The following FBL variants were observed in gnomAD, a reference collection of about 807,000 sequenced individuals.
The protein encoded by FBL is fibrillarin rRNA 2'-O-methyltransferase.
FBL carries 10 observed loss-of-function variants against 42.2 expected under a neutral mutation model. That is an observed-to-expected ratio of 0.24 (90% CI 0.15 to 0.40). FBL has a LOEUF of 0.40. Among genes scored for constraint, FBL ranks in the 10% least tolerant of loss-of-function variants. FBL has a pLI of 1.00. For synonymous variants in FBL, 165 were observed against 165.4 expected (o/e 1.00, Z 0.02); for missense variants, 351 against 439.2 (o/e 0.80, Z 1.79).
rs528839853 is a variant in FBL, at chr19:39,834,920, G to A, written c.796-107C>T. On this transcript the variant is annotated intron_variant, in intron 7 of 8. Coordinates refer to ENST00000221801, the MANE Select transcript of FBL (RefSeq NM_001436.4). ...ATTATTAATTCAAGTAAAACTCAGTGCTATGGTTCTAGTGTGTCCCCCAAA... is the reference window on the plus strand; with the variant it reads ...ATTATTAATTCAAGTAAAACTCAGTACTATGGTTCTAGTGTGTCCCCCAAA... 9.1e-6 allele frequency: 11 copies of A among 1,211,708 alleles called. No individual in the cohort carries two copies. In the South Asian group the frequency reaches 1.3e-4, roughly 14 times the overall value. 75.1% of individuals were successfully genotyped at this position (1,211,708 alleles called of 1,614,324 possible).
chr19:39,839,727 A>C (rs1167014853), intron 4 of FBL, among the ~76,000 whole-genome samples: 2 of 152,060 alleles, frequency 1.3e-5, no homozygotes, highest in Admixed American at 6.6e-5. Context: ...GGGGCCATTC[A>C]AGTTATCTGA....
chr19:39,843,331 A>G (rs7250408), intron 1 of FBL, among the ~76,000 whole-genome samples: 68,792 of 152,014 alleles, frequency 0.45, 16,328 homozygotes, highest in African/African-American at 0.57. Flanking sequence ...GAAAGCACAC[A>G]ATCCATCAGA....
rs1197034659 is a variant in FBL at position 39,839,105 on chromosome 19, C to G, written c.479G>C (p.Gly160Ala). The part of the protein sequence containing the change: ...GGVDQIHIKP[G>A]AKVLYLGAAS... The stretch of plus-strand genomic sequence containing the variant: ...AGCCCCGAGGTAGAGAACCTTAGCC[C>G]CCGGTTTGATGTGGATCTGGTCCAC... Residue 160 changes from glycine (G) to alanine (A), a missense_variant, in exon 5 of 9, where the codon GGG becomes GCG. Transcript: ENST00000221801. 1 of 1,614,162 alleles carries G rather than the reference C, an allele frequency of 6.2e-7. No individual in the cohort carries two copies. Among genetic ancestry groups the G allele is most frequent in the Admixed American group, 1.7e-5 (1 of 60,022 alleles).
At chr19:39,843,202 A>C (rs887153063) in intron 1 of FBL, among the ~76,000 whole-genome samples, 19 of 152,206 alleles carry the variant, frequency 1.2e-4, no homozygotes, top group African/African-American at 4.3e-4. Flanking sequence ...CCGCATCCCC[A>C]AAACCCTGCA....
At chr19:39,835,562 A>G (rs1310404942) in intron 7 of FBL, among the ~76,000 whole-genome samples, 1 of 152,170 alleles carries the variant, frequency 6.6e-6, no homozygotes, top group Non-Finnish European at 1.5e-5. Flanking sequence ...TACCCAGTCT[A>G]TAGCATTCTG....
chr19:39,834,611 C>T (rs201652800), intron 8 of FBL, 49 bp from the exon 9 acceptor site: 2 of 1,614,136 alleles, frequency 1.2e-6, no homozygotes, highest in African/African-American at 1.3e-5. Context: ...GATCATGGCA[C>T]TCGGGGTGCA....
intron 6 of FBL, among the ~76,000 whole-genome samples, chr19:39,836,946 G>A (rs1002403138): frequency 2.0e-5 from 3 of 152,224 alleles, no homozygotes; most frequent in Middle Eastern, 3.2e-3. Context: ...AGTCAGACCC[G>A]GACCCTGCCC....
At position 39,840,245 on chromosome 19, in the gene FBL, T is replaced by A. The variant is rs1265031609; in HGVS notation, c.366A>T (p.Arg122Ser). The change falls in exon 4 of 9, where the codon AGA (arginine) becomes AGT (serine). Residue 122 changes from arginine (R) to serine (S), a missense_variant. Physicochemically the swap from Arg to Ser is moderately radical, Grantham distance 110 (BLOSUM62 -1). Coordinates refer to ENST00000221801, the MANE Select transcript of FBL (RefSeq NM_001436.4). This position sits in a 1 kb window ranked among gnomAD's most constrained non-coding sequence, Gnocchi z 4.5. ...GCCCAGTTCTCACCGAAATCGAGAC[T>A]CTCTTCTCTCCATAAACTGATTCCC... The part of the protein sequence containing the change: ...VPGESVYGEK[R>S]VSISEGDDKI... 1.5e-5 allele frequency: 24 copies of A among 1,613,544 alleles called. No homozygotes were observed. Among genetic ancestry groups the A allele is most frequent in the African/African-American group, 6.7e-5 (5 of 74,840 alleles).
intron 5 of FBL, chr19:39,838,264 G>GTTTT (rs60647887): frequency 1.2e-4 from 15 of 125,690 alleles, no homozygotes; most frequent in South Asian, 5.0e-4. Flanking sequence ...AAAGCCTGAG[G>GTTTT]TTTTTTTTTT....
chr19:39,838,977 G>A, intron 5 of FBL, 58 bp downstream of exon 5: 1 of 1,491,628 alleles, frequency 6.7e-7, no homozygotes. Context: ...TGATATTCCA[G>A]GTTGGCAGAA....
In FBL at chr19:39,834,826, A is replaced by G. The variant is rs767875982; in HGVS notation, c.796-13T>C. The stretch of plus-strand genomic sequence containing the variant: ...CAATGCAGTTGGCCTAAAGAGGAGA[A>G]AGGACTAATGTCTACAACAGGGCTT... On this transcript the variant is annotated splice_polypyrimidine_tract_variant and intron_variant, in intron 7 of 8. Transcript: ENST00000221801. The G allele has an allele frequency of 2.5e-6, 4 of 1,614,038 alleles. No homozygotes were observed. The highest frequency in any genetic ancestry group is 3.4e-6 in the Non-Finnish European group (4 of 1,179,992).
chr19:39,843,052 T>C lies in FBL; in HGVS notation c.11-2265A>G, dbSNP rs1969189797. On this transcript the variant is annotated intron_variant, in intron 1 of 8. Transcript: ENST00000221801. ...TGTTAGTTCCCCAGAAGGGCCTACTTTGGCCACAGTACCCTTACCCTGCTT... is the reference window on the plus strand; with the variant it reads ...TGTTAGTTCCCCAGAAGGGCCTACTCTGGCCACAGTACCCTTACCCTGCTT... 3.3e-5 allele frequency among the ~76,000 whole-genome samples: 5 copies of C among 152,334 alleles called. 1 individual carries two copies. The highest frequency in any genetic ancestry group is 3.3e-4 in the Admixed American group (5 of 15,298).
Position 39,837,793 on chromosome 19 carries a change from G to C in FBL, c.600C>G (p.Leu200=). The change falls in exon 6 of 9, where the codon CTC becomes CTG. Residue 200 remains leucine (L), a synonymous_variant. Transcript: ENST00000221801. The part of the protein sequence containing the change: ...VEFSHRSGRD[L]INLAKKRTNI... Reference sequence around the variant, plus strand: ...TGGTCCTCTTCTTGGCCAAGTTAATGAGGTCACGGCCAGAGCGGTGGGAGA... The same window carrying C: ...TGGTCCTCTTCTTGGCCAAGTTAATCAGGTCACGGCCAGAGCGGTGGGAGA... 6.2e-7 allele frequency: 1 copy of C among 1,609,412 alleles called. No individual in the cohort carries two copies. The highest frequency in any genetic ancestry group is 2.2e-5 in the East Asian group (1 of 44,722).
chr19:39,834,572 G>A lies in FBL; in HGVS notation c.942-10C>T, dbSNP rs1968988338. ...CACCTTGGGGGGTGGCCTGTGAGAG[G>A]AAGATAGGTGATGAAGGAGGGTCCC... On this transcript the variant is annotated splice_polypyrimidine_tract_variant and intron_variant, in intron 8 of 8. Transcript: ENST00000221801. 2 of 1,614,166 alleles carry A rather than the reference G, an allele frequency of 1.2e-6. No homozygotes were observed. The highest frequency in any genetic ancestry group is 8.5e-7 in the Non-Finnish European group (1 of 1,180,026).
In FBL at chr19:39,840,796, G is replaced by C; in HGVS notation, c.11-9C>G. ...CCCACGGGGACTGAATCCTGTGGGG[G>C]AAACAAAACAGGAGTCAGGGCAATG... is the stretch of plus-strand genomic sequence containing the variant. On this transcript the variant is annotated splice_polypyrimidine_tract_variant and intron_variant, in intron 1 of 8. Transcript: ENST00000221801. This position sits in a 1 kb window ranked among gnomAD's most constrained non-coding sequence, Gnocchi z 4.5. 2 of 1,533,398 alleles carry C rather than the reference G, an allele frequency of 1.3e-6. No homozygotes were observed. Among genetic ancestry groups the C allele is most frequent in the East Asian group, 2.4e-5 (1 of 42,108 alleles). The allele number at this position is 1,533,398 out of a possible 1,614,324, so 95.0% of individuals were successfully genotyped here. A position where few individuals can be genotyped will look rare whatever the true frequency, so the allele number is the denominator to read the frequency against.
intron 5 of FBL, 191 bp downstream of exon 5, chr19:39,838,844 C>A (rs1969101880): frequency 3.5e-6 from 2 of 570,022 alleles, no homozygotes; most frequent in South Asian, 2.5e-5. Context: ...TCCCTTGAGG[C>A]CAAGAACCCA....
At position 39,839,282 on chromosome 19, in the gene FBL, G is replaced by C. The variant is rs1189573514; in HGVS notation, c.379-77C>G. 2,911 of 1,230,350 alleles carry C rather than the reference G, an allele frequency of 2.4e-3. 4 individuals are homozygous for C. The African/African-American group carries it at 0.03, about 13-fold the overall frequency. The allele number at this position is 1,230,350 out of a possible 1,614,324, so 76.2% of individuals were successfully genotyped here. On this transcript the variant is annotated intron_variant, in intron 4 of 8. Coordinates refer to ENST00000221801, the MANE Select transcript of FBL (RefSeq NM_001436.4). ...CACTGCCTTTAACCCTAGGAGCCTT[G>C]AAAGGAACTGGGCTGTCCTATCACT...
At chr19:39,838,121 G>T in intron 5 of FBL, 1 of 389,186 alleles carries the variant, frequency 2.6e-6, no homozygotes, top group South Asian at 3.0e-5. Flanking sequence ...GGAAGCCAAG[G>T]CACAGAGATG....
At chr19:39,846,226 T>C in intron 1 of FBL, 65 bp downstream of exon 1, 1 of 1,600,822 alleles carries the variant, frequency 6.2e-7, no homozygotes, top group Non-Finnish European at 8.6e-7. Context: ...CCTCCGATTC[T>C]GGCCTGGCAC....
Sources: gnomAD v4.1 joint callset for allele counts (sites outside exome capture counted in the v4.1 genomes callset) on GRCh38, gnomAD v4.1.1 for gene constraint, Gnocchi (gnomAD v3.1) non-coding constraint, MANE v1.5 for transcripts, NCBI Gene and HGNC (gene_info 2026-07-23, HGNC 2026-07-21) for gene names.